SLC9A5: variants seen among roughly 807,000 people sequenced by gnomAD.
The protein encoded by SLC9A5 is solute carrier family 9 member A5.
SLC9A5 carries 52 observed loss-of-function variants against 91.7 expected under a neutral mutation model. That is an observed-to-expected ratio of 0.57 (90% confidence interval 0.45 to 0.71). The LOEUF is 0.71. SLC9A5 is among the 30% of genes least tolerant of loss of function. SLC9A5 has a pLI of 0.00. For missense variants in SLC9A5, 871 were observed against 1,158.9 expected, an observed-to-expected ratio of 0.75 and a Z score of 3.61; for synonymous variants, 419 against 474.5, an observed-to-expected ratio of 0.88 and a Z score of 1.52.
At chr16:67,269,068 G>A (rs2035837512) in intron 15 of SLC9A5, among the ~76,000 whole-genome samples, 1 of 151,830 alleles carries the variant, frequency 6.6e-6, no homozygotes, top group Non-Finnish European at 1.5e-5. Context: ...TCTCTGTCTG[G>A]ATTTTGTTGG....
chr16:67,255,767 G>T lies in SLC9A5; in HGVS notation c.748G>T (p.Val250Phe). ...YLKGVASLFV[V>F]SLGGAAVGLV... ...TCCTCCCCCAGCCTCCCTGTTTGTGGTCAGTCTGGGCGGGGCAGCCGTGGG... is the reference window on the plus strand; with the variant it reads ...TCCTCCCCCAGCCTCCCTGTTTGTGTTCAGTCTGGGCGGGGCAGCCGTGGG... The change falls in exon 5 of 16, where the codon GTC becomes TTC. Residue 250 changes from valine to phenylalanine, a missense_variant. Physicochemically the swap from Val to Phe is conservative, Grantham distance 50 (BLOSUM62 -1). Around this residue, in one of 3 missense-constraint regions of SLC9A5, gnomAD observed 454 missense variants for 718.3 expected, o/e 0.63. Coordinates refer to ENST00000299798, the MANE Select transcript of SLC9A5 (RefSeq NM_004594.3). This position sits in a 1 kb window ranked among gnomAD's most constrained non-coding sequence, Gnocchi z 4.9. 6.3e-7 allele frequency: 1 copy of T among 1,577,854 alleles called. No homozygotes were observed. Among genetic ancestry groups the T allele is most frequent in the Non-Finnish European group, 8.6e-7 (1 of 1,160,590 alleles).
chr16:67,259,734 G>A, intron 11 of SLC9A5, 73 bp downstream of exon 11: 1 of 1,593,422 alleles, frequency 6.3e-7, no homozygotes, highest in South Asian at 1.1e-5. Context: ...CCTTCTGGGG[G>A]AGATTTGTCA....
rs937617365 is a variant in SLC9A5, at chr16:67,258,721, T to A, written c.1626+274T>A. Among the ~76,000 whole-genome samples the A allele has an allele frequency of 6.6e-6, 1 of 152,108 alleles. No homozygotes were observed. Among genetic ancestry groups the A allele is most frequent in the Non-Finnish European group, 1.5e-5 (1 of 68,018 alleles). The stretch of plus-strand genomic sequence containing the variant: ...AGCTTGTGACCTTGGGTAAGCACAC[T>A]CTCTGAGCCTGTTTCCTTAGCTGTA... On this transcript the variant is annotated intron_variant, in intron 10 of 15. Coordinates refer to ENST00000299798, the MANE Select transcript of SLC9A5 (RefSeq NM_004594.3). This position sits in a 1 kb window ranked among gnomAD's most constrained non-coding sequence, Gnocchi z 4.5.
chr16:67,255,254 C>T lies in SLC9A5; in HGVS notation c.654+70C>T, dbSNP rs2035269880. On this transcript the variant is annotated intron_variant, in intron 3 of 15. Coordinates refer to ENST00000299798, the MANE Select transcript of SLC9A5 (RefSeq NM_004594.3). The surrounding 1 kb of genome is among the most constrained non-coding windows in gnomAD (Gnocchi z 4.9). The stretch of plus-strand genomic sequence containing the variant: ...TGCTCTGACCAACTAGGGGTCTGCG[C>T]AGACTCAGTCCCTTCCCTTGGGTCC... The T allele has an allele frequency of 1.3e-6, 2 of 1,562,078 alleles. No individual in the cohort carries two copies. The highest frequency in any genetic ancestry group is 8.7e-7 in the Non-Finnish European group (1 of 1,143,914).
Position 67,257,588 on chromosome 16 carries a change from T to C in SLC9A5, c.1483T>C (p.Tyr495His), listed in dbSNP as rs2035366195. The part of the protein sequence containing the change: ...EDVVGHHGYH[Y>H]WRDRWEQFDK... ...CGTTGTGGGGCACCATGGCTACCACTACTGGAGGGACAGGTGAGGGAGCTG... is the reference window on the plus strand; with the variant it reads ...CGTTGTGGGGCACCATGGCTACCACCACTGGAGGGACAGGTGAGGGAGCTG... Residue 495 changes from tyrosine (Y) to histidine (H), a missense_variant, in exon 9 of 16, where the codon TAC becomes CAC. Around this residue, in one of 3 missense-constraint regions of SLC9A5, gnomAD observed 454 missense variants for 718.3 expected, o/e 0.63. Coordinates refer to ENST00000299798, the MANE Select transcript of SLC9A5 (RefSeq NM_004594.3). This position sits in a 1 kb window ranked among gnomAD's most constrained non-coding sequence, Gnocchi z 5.1. 1 of 1,614,028 alleles carries C rather than the reference T, an allele frequency of 6.2e-7. No individual in the cohort carries two copies. The highest frequency in any genetic ancestry group is 8.5e-7 in the Non-Finnish European group (1 of 1,179,984).
Position 67,259,734 on chromosome 16 carries a change from G to C in SLC9A5, c.1715+73G>C. 4 of 1,593,422 alleles carry C rather than the reference G, an allele frequency of 2.5e-6. No individual in the cohort carries two copies. The South Asian group carries it at 4.4e-5, about 18-fold the overall frequency. On this transcript the variant is annotated intron_variant, in intron 11 of 15. Coordinates refer to ENST00000299798, the MANE Select transcript of SLC9A5 (RefSeq NM_004594.3). Reference sequence around the variant, plus strand: ...CCCTCTCTCTGAGTCCCTTCTGGGGGAGATTTGTCAGCACCTTTTCATCTG... The same window carrying C: ...CCCTCTCTCTGAGTCCCTTCTGGGGCAGATTTGTCAGCACCTTTTCATCTG...
At position 67,255,922 on chromosome 16, in the gene SLC9A5, C is replaced by T. The variant is rs765087848; in HGVS notation, c.903C>T (p.Ala301=). The stretch of plus-strand genomic sequence containing the variant: ...CTGCTGAAATGGCCTCGCTCTCCGC[C>T]ATTCTTGCGTGAGTTCTGGGGGCCT... ...YLTAEMASLS[A]ILAVTMCGLG... The change falls in exon 5 of 16, where the codon GCC becomes GCT. Residue 301 remains alanine (A), a synonymous_variant. Transcript: ENST00000299798. The surrounding 1 kb of genome is among the most constrained non-coding windows in gnomAD (Gnocchi z 4.9). The T allele has an allele frequency of 6.2e-7, 1 of 1,613,218 alleles. No homozygotes were observed. Among genetic ancestry groups the T allele is most frequent in the Non-Finnish European group, 8.5e-7 (1 of 1,179,754 alleles).
chr16:67,256,451 C>T lies in SLC9A5; in HGVS notation c.912-18C>T, dbSNP rs2035321296. ...TGGAACCCTTCCCCACTTGCCATGT[C>T]TCTCCATCCTCTCCCAGGGTGACCA... On this transcript the variant is annotated intron_variant, in intron 5 of 15. Coordinates refer to ENST00000299798, the MANE Select transcript of SLC9A5 (RefSeq NM_004594.3). The surrounding 1 kb of genome is among the most constrained non-coding windows in gnomAD (Gnocchi z 4.1). 1.3e-6 allele frequency: 2 copies of T among 1,583,702 alleles called. No individual in the cohort carries two copies. The highest frequency in any genetic ancestry group is 1.1e-5 in the South Asian group (1 of 90,684).
chr16:67,263,121 A>T (rs1201922905), intron 12 of SLC9A5: 1 of 150,176 alleles, frequency 6.7e-6, no homozygotes, highest in Non-Finnish European at 1.5e-5. Flanking sequence ...GTGGAGGAAT[A>T]GGAGGCAGCA....
rs528679277 is a variant in SLC9A5 at position 67,256,688 on chromosome 16, C to T, written c.1131C>T (p.Leu377=). ...TLIFILFFRA[L]GVVLQTWVLN... is the part of the protein sequence containing the mutation. Reference sequence around the variant, plus strand: ...TCTTCATCCTGTTCTTCCGAGCCCTCGGTATTGCTGGCACCCTCTGCTTTC... The same window carrying T: ...TCTTCATCCTGTTCTTCCGAGCCCTTGGTATTGCTGGCACCCTCTGCTTTC... Residue 377 remains leucine (L), a splice_region_variant and synonymous_variant, in exon 6 of 16, where the codon CTC becomes CTT. Transcript: ENST00000299798. The surrounding 1 kb of genome is among the most constrained non-coding windows in gnomAD (Gnocchi z 4.1). 11 of 1,609,760 alleles carry T rather than the reference C, an allele frequency of 6.8e-6. No homozygotes were observed. Among genetic ancestry groups the T allele is most frequent in the South Asian group, 6.6e-5 (6 of 91,004 alleles).
Position 67,266,156 on chromosome 16 carries a change from G to A in SLC9A5, c.2149G>A (p.Glu717Lys). 1.9e-6 allele frequency: 3 copies of A among 1,611,776 alleles called. No homozygotes were observed. The highest frequency in any genetic ancestry group is 2.5e-6 in the Non-Finnish European group (3 of 1,178,950). The change falls in exon 15 of 16, where the codon GAG (glutamate) becomes AAG (lysine). Residue 717 changes from glutamate (E) to lysine (K), a missense_variant. This residue lies in a region of SLC9A5 where 295 missense variants were observed against 326.0 expected (regional missense o/e 0.90). Transcript: ENST00000299798. ...GAGCGACAGTTCAGAGACAGAGAAGGAGGACGATGAGGGGATCATCTTTGT... is the reference window on the plus strand; with the variant it reads ...GAGCGACAGTTCAGAGACAGAGAAGAAGGACGATGAGGGGATCATCTTTGT... ...EESDSSETEK[E>K]DDEGIIFVAR...
At chr16:67,263,784 CA>C (rs1247551084) in intron 12 of SLC9A5, 2 of 149,718 alleles carry the variant, frequency 1.3e-5, no homozygotes, top group African/African-American at 2.5e-5. Context: ...AACTCCGTCT[CA>C]AAAAAAAGAA....
In SLC9A5 at chr16:67,259,853, G is replaced by T; in HGVS notation, c.1749G>T (p.Leu583=). The T allele has an allele frequency of 6.2e-7, 1 of 1,614,188 alleles. No homozygotes were observed. The highest frequency in any genetic ancestry group is 8.5e-7 in the Non-Finnish European group (1 of 1,180,048). Residue 583 remains leucine, a synonymous_variant, in exon 12 of 16, where the codon CTG becomes CTT. Transcript: ENST00000299798. The part of the protein sequence containing the change: ...RESGSGACLD[L]QVIDTVRSGR... ...GTGGCAGTGGAGCGTGTCTGGATCT[G>T]CAGGTGATTGACACAGTACGCAGCG... is the stretch of plus-strand genomic sequence containing the variant.
chr16:67,260,280 G>A (rs555824704), intron 12 of SLC9A5, among the ~76,000 whole-genome samples: 9 of 147,976 alleles, frequency 6.1e-5, no homozygotes, highest in African/African-American at 1.3e-4. Flanking sequence ...GCTTGAACCC[G>A]GGAGGCAGAG....
rs2035149898 is a variant in SLC9A5 at position 67,252,182 on chromosome 16, G to A, written c.188-360G>A. 6.6e-6 allele frequency among the ~76,000 whole-genome samples: 1 copy of A among 152,118 alleles called. No homozygotes were observed. The highest frequency in any genetic ancestry group is 1.5e-5 in the Non-Finnish European group (1 of 68,030). ...CTTAGAAGGTTGGCCAGGCGCGGTG[G>A]CTCACACCTGTAATCCCAGCACTTT... On this transcript the variant is annotated intron_variant, in intron 1 of 15. Transcript: ENST00000299798. This position sits in a 1 kb window ranked among gnomAD's most constrained non-coding sequence, Gnocchi z 4.0.
At position 67,256,629 on chromosome 16, in the gene SLC9A5, G is replaced by A. The variant is rs1288661586; in HGVS notation, c.1072G>A (p.Ala358Thr). ...CTCAGCCGTGGACTCTTCTAAGTGGGCCTGGGATTCTGGGCTGGTGCTGGG... is the reference window on the plus strand; with the variant it reads ...CTCAGCCGTGGACTCTTCTAAGTGGACCTGGGATTCTGGGCTGGTGCTGGG... ...GISAVDSSKWAWDSGLVLGTL... is the reference protein window; with the variant it reads ...GISAVDSSKWTWDSGLVLGTL... Residue 358 changes from alanine to threonine, a missense_variant, in exon 6 of 16, where the codon GCC becomes ACC. Around this residue, in one of 3 missense-constraint regions of SLC9A5, gnomAD observed 454 missense variants for 718.3 expected, o/e 0.63. Transcript: ENST00000299798. The surrounding 1 kb of genome is among the most constrained non-coding windows in gnomAD (Gnocchi z 4.1). The A allele has an allele frequency of 1.5e-5, 25 of 1,613,914 alleles. No homozygotes were observed. The highest frequency in any genetic ancestry group is 1.7e-5 in the Non-Finnish European group (20 of 1,180,044).
rs780462749 is a variant in SLC9A5 at position 67,255,970 on chromosome 16, G to T, written c.911+40G>T. 1.3e-6 allele frequency: 2 copies of T among 1,597,546 alleles called. No individual in the cohort carries two copies. Among genetic ancestry groups the T allele is most frequent in the African/African-American group, 2.7e-5 (2 of 74,690 alleles). On this transcript the variant is annotated intron_variant, in intron 5 of 15. Transcript: ENST00000299798. The surrounding 1 kb of genome is among the most constrained non-coding windows in gnomAD (Gnocchi z 4.9). ...CCTTGCAGGCAGATAGCTGGGAGGG[G>T]GCACTGGAGATGGTTGCCCCTCATA...
At chr16:67,262,037 G>C (rs2035548940) in intron 12 of SLC9A5, 1 of 314,866 alleles carries the variant, frequency 3.2e-6, no homozygotes, top group African/African-American at 2.2e-5. Context: ...TAAAAATCTG[G>C]AATAAGTTTG....
intron 2 of SLC9A5, among the ~76,000 whole-genome samples, chr16:67,254,649 C>T (rs1028904417): frequency 3.3e-5 from 5 of 152,220 alleles, no homozygotes; most frequent in Admixed American, 6.5e-5. Flanking sequence ...CAGCCCACCT[C>T]GGCCTCCCAA....
Sources: allele counts gnomAD v4.1 joint callset (sites outside exome capture counted in the v4.1 genomes callset), GRCh38; gene constraint gnomAD v4.1.1; regional missense constraint gnomAD v4.1.1; non-coding constraint Gnocchi (gnomAD v3.1); transcripts MANE v1.5; gene names NCBI Gene and HGNC (gene_info 2026-07-23, HGNC 2026-07-21).